Variants in LRRTM4 observed in about 807,000 individuals in gnomAD.
LRRTM4 encodes leucine rich repeat transmembrane neuronal 4, also known as leucine-rich repeat transmembrane neuronal protein 4.
Under a neutral mutation model 47.6 loss-of-function variants are expected in LRRTM4, and 25 were observed. The ratio of observed to expected loss-of-function variants is 0.53; its 90% CI spans 0.38 to 0.73. The LOEUF (loss-of-function observed/expected upper bound fraction) is 0.73, where lower values mean the gene tolerates loss of function less well. Among genes scored for constraint, LRRTM4 ranks in the 30% least tolerant of loss-of-function variants. The pLI is 0.00. For missense variants in LRRTM4, 638 were observed against 713.4 expected (o/e 0.89, Z 1.20); for synonymous variants, 311 against 269.5 (o/e 1.15, Z -1.51).
At chr2:77,017,593 T>C (rs1052245024) in intron 3 of LRRTM4, among the ~76,000 whole-genome samples, 7 of 152,150 alleles carry the variant, frequency 4.6e-5, no homozygotes, top group African/African-American at 1.7e-4. Flanking sequence ...AGGAGTTTCC[T>C]ACTAGTAAGG....
rs531257178 is a variant in LRRTM4, at chr2:77,151,580, T to C, written c.1551+366738A>G. On this transcript the variant is annotated intron_variant, in intron 3 of 3. Transcript: ENST00000409884. Reference sequence around the variant, plus strand: ...AAGAAAATGTGGTATAAACATACAGTGGAATATTATTCAGCCTTAAAGAGG... The same window carrying C: ...AAGAAAATGTGGTATAAACATACAGCGGAATATTATTCAGCCTTAAAGAGG... Among the ~76,000 whole-genome samples the C allele has an allele frequency of 2.8e-4, 43 of 152,336 alleles. No homozygotes were observed. In the South Asian group the frequency reaches 3.5e-3, roughly 12 times the overall value.
intron 3 of LRRTM4, among the ~76,000 whole-genome samples, chr2:77,096,999 C>T (rs2103901770): frequency 6.6e-6 from 1 of 151,678 alleles, no homozygotes; most frequent in East Asian, 1.9e-4. Flanking sequence ...ATAATGAACA[C>T]AACAAAAGTG....
At chr2:76,778,504 G>A (rs1294066359) in intron 3 of LRRTM4, among the ~76,000 whole-genome samples, 3 of 148,326 alleles carry the variant, frequency 2.0e-5, no homozygotes, top group Admixed American at 6.6e-5. Context: ...TGTATGTGTC[G>A]AGGAATTTAT....
chr2:77,032,635 G>A (rs1164171296), intron 3 of LRRTM4, among the ~76,000 whole-genome samples: 1 of 152,090 alleles, frequency 6.6e-6, no homozygotes, highest in Non-Finnish European at 1.5e-5. Context: ...AAGCTGTTCA[G>A]TTTTTGCAAA....
intron 3 of LRRTM4, among the ~76,000 whole-genome samples, chr2:77,505,246 AAG>A: frequency 6.6e-6 from 1 of 151,420 alleles, no homozygotes; most frequent in Non-Finnish European, 1.5e-5. Flanking sequence ...TCAAAAACCA[AAG>A]TATAGGAAAA....
chr2:77,429,070 G>C (rs1478060248), intron 3 of LRRTM4, among the ~76,000 whole-genome samples: 1 of 152,180 alleles, frequency 6.6e-6, no homozygotes, highest in East Asian at 1.9e-4. Context: ...AAAAGTGGGA[G>C]TACACAGTAA....
chr2:77,480,204 T>C (rs1677617411), intron 3 of LRRTM4, among the ~76,000 whole-genome samples: 1 of 151,770 alleles, frequency 6.6e-6, no homozygotes, highest in Non-Finnish European at 1.5e-5. Flanking sequence ...TCGGTGAAGT[T>C]GACATTTGTT....
chr2:77,494,746 G>A (rs1293525708), intron 3 of LRRTM4, among the ~76,000 whole-genome samples: 1 of 151,974 alleles, frequency 6.6e-6, no homozygotes, highest in Non-Finnish European at 1.5e-5. Context: ...ACTCGAAATC[G>A]AGAATGTTTT....
chr2:76,937,081 T>C (rs1000275556), intron 3 of LRRTM4, among the ~76,000 whole-genome samples: 36 of 148,324 alleles, frequency 2.4e-4, no homozygotes, highest in African/African-American at 8.4e-4. Context: ...ATAAGCATCA[T>C]CTGAGGGTGA....
intron 3 of LRRTM4, among the ~76,000 whole-genome samples, chr2:77,163,192 G>A (rs1016354899): frequency 4.6e-5 from 7 of 152,104 alleles, no homozygotes; most frequent in Middle Eastern, 3.4e-3. Context: ...CACAAGCTTC[G>A]GTAGCCTATT....
chr2:76,791,547 T>G lies in LRRTM4; in HGVS notation c.1552-42631A>C, dbSNP rs573828995. ...GAAATGGCACACCTCTACTTGAGCA[T>G]AAATATTCGGAGAGCAATAAATCTC... On this transcript the variant is annotated intron_variant, in intron 3 of 3. Coordinates refer to ENST00000409884, the MANE Select transcript of LRRTM4 (RefSeq NM_001134745.3). Among the ~76,000 whole-genome samples the G allele has an allele frequency of 3.3e-5, 5 of 152,282 alleles. No individual in the cohort carries two copies. In the South Asian group the frequency reaches 8.3e-4, roughly 25 times the overall value.
At chr2:77,337,711 A>G (rs144763594) in intron 3 of LRRTM4, among the ~76,000 whole-genome samples, 1,724 of 152,202 alleles carry the variant, frequency 0.011, 20 homozygotes, top group Non-Finnish European at 0.018. Context: ...AAGTCAATTA[A>G]ACCTCTTGCC....
intron 3 of LRRTM4, among the ~76,000 whole-genome samples, chr2:77,440,403 G>A (rs1675794246): frequency 6.6e-6 from 1 of 151,948 alleles, no homozygotes; most frequent in South Asian, 2.1e-4. Flanking sequence ...GACAGAGTGA[G>A]ACTCCGCCTC....
At chr2:76,877,993 C>T (rs959986581) in intron 3 of LRRTM4, among the ~76,000 whole-genome samples, 32 of 152,280 alleles carry the variant, frequency 2.1e-4, no homozygotes, top group African/African-American at 7.5e-4. Context: ...GTTTTTAATA[C>T]ATTGAAGATT....
At chr2:76,971,677 C>A (rs187709112) in intron 3 of LRRTM4, among the ~76,000 whole-genome samples, 145 of 152,044 alleles carry the variant, frequency 9.5e-4, no homozygotes, top group Non-Finnish European at 1.4e-3. Flanking sequence ...GAATTGAGAA[C>A]TTAAGAGTCA....
chr2:76,947,100 G>GA (rs1217454404), intron 3 of LRRTM4, among the ~76,000 whole-genome samples: 3 of 151,648 alleles, frequency 2.0e-5, no homozygotes, highest in African/African-American at 7.3e-5. Context: ...ATTTGAATGG[G>GA]AAAAAAATGG....
At chr2:76,984,779 C>T (rs1676735651) in intron 3 of LRRTM4, among the ~76,000 whole-genome samples, 1 of 152,002 alleles carries the variant, frequency 6.6e-6, no homozygotes, top group Non-Finnish European at 1.5e-5. Context: ...CTTGTTTAAG[C>T]TCATGTTAAG....
chr2:77,413,245 A>G (rs1333129833), intron 3 of LRRTM4, among the ~76,000 whole-genome samples: 2 of 152,164 alleles, frequency 1.3e-5, no homozygotes, highest in African/African-American at 4.8e-5. Flanking sequence ...GTTGCTTGAT[A>G]GACCTAAAAA....
At chr2:77,353,656 G>A (rs76576211) in intron 3 of LRRTM4, among the ~76,000 whole-genome samples, 11,753 of 151,736 alleles carry the variant, frequency 0.077, 670 homozygotes, top group East Asian at 0.17. Context: ...ACCTTTTGAA[G>A]CTTTTTCATG....
Sources: allele counts gnomAD v4.1 joint callset (sites outside exome capture counted in the v4.1 genomes callset), GRCh38; gene constraint gnomAD v4.1.1; transcripts MANE v1.5; gene names NCBI Gene and HGNC (gene_info 2026-07-23, HGNC 2026-07-21).